STK24: variants seen among roughly 807,000 people sequenced by gnomAD.
The protein encoded by STK24 is serine/threonine kinase 24.
STK24 carries 21 observed loss-of-function variants against 55.6 expected under a neutral mutation model. The ratio of observed to expected loss-of-function variants is 0.38; its 90% confidence interval spans 0.27 to 0.54. STK24 has a LOEUF of 0.54. STK24 is among the 20% of genes least tolerant of loss of function. The pLI is 0.79. For synonymous variants in STK24, 200 were observed against 215.2 expected (o/e 0.93, Z 0.62); for missense variants, 383 against 538.4 (o/e 0.71, Z 2.86).
rs748739992 is a variant in STK24 at position 98,537,672 on chromosome 13, AGAG to A, written c.43-18202_43-18200del. 6.6e-5 allele frequency among the ~76,000 whole-genome samples: 10 copies of A among 152,148 alleles called. 1 individual carries two copies. The highest frequency in any genetic ancestry group is 1.7e-4 in the African/African-American group (7 of 41,452). On this transcript the variant is annotated intron_variant, in intron 1 of 10. Transcript: ENST00000539966. The stretch of plus-strand genomic sequence containing the variant: ...AAGTACAGAATGTGAGACAGAAGCA[AGAG>A]GAGGTGGCGATCTTTATAGTCTTCA...
chr13:98,488,624 T>C (rs1420947896), intron 2 of STK24, among the ~76,000 whole-genome samples: 1 of 152,142 alleles, frequency 6.6e-6, no homozygotes, highest in East Asian at 1.9e-4. Context: ...CTGGTAATTT[T>C]TGCTTACAGA....
chr13:98,493,839 A>AT (rs781025749), intron 2 of STK24, among the ~76,000 whole-genome samples: 1,719 of 141,540 alleles, frequency 0.012, 26 homozygotes, highest in African/African-American at 0.031. Flanking sequence ...CAAAAAAAAA[A>AT]TTTTTTTTTT....
chr13:98,567,441 A>C (rs1237397787), intron 1 of STK24, among the ~76,000 whole-genome samples: 1 of 152,138 alleles, frequency 6.6e-6, no homozygotes, highest in African/African-American at 2.4e-5. Context: ...TCATAAACTT[A>C]AGCAAGCGTT....
intron 1 of STK24, chr13:98,575,902 C>A (rs1212270422): frequency 2.5e-5 from 11 of 448,096 alleles, no homozygotes; most frequent in South Asian, 1.9e-4. Context: ...ACAACAACAA[C>A]AAAAAACCTT....
At chr13:98,546,634 G>C (rs1203221147) in intron 1 of STK24, among the ~76,000 whole-genome samples, 1 of 152,048 alleles carries the variant, frequency 6.6e-6, no homozygotes, top group East Asian at 1.9e-4. Context: ...TCCAAACATC[G>C]CCCACAACAG....
At chr13:98,563,721 G>A (rs1276780013) in intron 1 of STK24, among the ~76,000 whole-genome samples, 7 of 152,008 alleles carry the variant, frequency 4.6e-5, no homozygotes, top group Non-Finnish European at 7.4e-5. Context: ...TTAGCCGGGC[G>A]TGGTGGCGGG....
At chr13:98,486,462 C>A (rs913276024) in intron 2 of STK24, among the ~76,000 whole-genome samples, 1 of 152,188 alleles carries the variant, frequency 6.6e-6, no homozygotes, top group Admixed American at 6.5e-5. Context: ...CTTGGGAAAG[C>A]AAGAGACAAG....
intron 1 of STK24, 133 bp downstream of exon 1, chr13:98,576,612 G>A (rs375993079): frequency 2.4e-5 from 16 of 673,484 alleles, no homozygotes; most frequent in Non-Finnish European, 6.4e-6. Flanking sequence ...CCCCGGCCGA[G>A]CCGGGCGCGC....
intron 3 of STK24, among the ~76,000 whole-genome samples, chr13:98,480,259 AATT>A (rs1454469658): frequency 2.0e-5 from 3 of 152,238 alleles, no homozygotes; most frequent in Non-Finnish European, 4.4e-5. Context: ...TCACCAAATA[AATT>A]ATTATATCAT....
At chr13:98,537,137 ACT>A (rs893985021) in intron 1 of STK24, among the ~76,000 whole-genome samples, 3 of 152,136 alleles carry the variant, frequency 2.0e-5, no homozygotes, top group African/African-American at 7.2e-5. Context: ...TTCAGCCTAC[ACT>A]GTGACCCCCT....
intron 1 of STK24, among the ~76,000 whole-genome samples, chr13:98,531,160 A>G (rs1176966436): frequency 2.6e-5 from 4 of 152,218 alleles, no homozygotes; most frequent in African/African-American, 4.8e-5. Flanking sequence ...CAATTTGTCT[A>G]AAGCAAGCCT....
At chr13:98,572,413 C>A (rs1037822317) in intron 1 of STK24, among the ~76,000 whole-genome samples, 34 of 152,254 alleles carry the variant, frequency 2.2e-4, no homozygotes, top group South Asian at 2.1e-4. Context: ...GGGCAGGCAC[C>A]TCCCAAGGAA....
chr13:98,530,306 G>A (rs867125332), intron 1 of STK24, among the ~76,000 whole-genome samples: 1 of 152,150 alleles, frequency 6.6e-6, no homozygotes, highest in East Asian at 1.9e-4. Context: ...AGGCAGCTCC[G>A]TTTTTACCCC....
chr13:98,572,496 A>C (rs539655975), intron 1 of STK24, among the ~76,000 whole-genome samples: 2 of 152,308 alleles, frequency 1.3e-5, no homozygotes, highest in African/African-American at 4.8e-5. Flanking sequence ...AGCCACAATT[A>C]AATGCAGCTG....
At position 98,446,917 on chromosome 13, in the gene STK24, T is replaced by TTG; in HGVS notation, c.*6255_*6256insCA. On this transcript the variant is annotated 3_prime_UTR_variant, in exon 11 of 11. Coordinates refer to ENST00000539966, the MANE Select transcript of STK24 (RefSeq NM_001032296.4). ...GTCAGCGAGTGAGATGGCCCCACCC[T>TTG]TCCCTGCCAACTAAGCGTTTAGACC... The TTG allele has an allele frequency of 7.9e-7, 1 of 1,272,598 alleles. No homozygotes were observed. The highest frequency in any genetic ancestry group is 1.1e-6 in the Non-Finnish European group (1 of 896,346). 78.8% of individuals were successfully genotyped at this position (1,272,598 alleles called of 1,614,324 possible).
chr13:98,484,984 C>T (rs1229647161), intron 2 of STK24, among the ~76,000 whole-genome samples: 2 of 152,188 alleles, frequency 1.3e-5, no homozygotes, highest in African/African-American at 2.4e-5. Context: ...TTATTGAGGT[C>T]ACTGCGTCTC....
chr13:98,456,806 A>C, intron 10 of STK24: 1 of 373,678 alleles, frequency 2.7e-6, no homozygotes, highest in Non-Finnish European at 5.1e-6. Context: ...CTTGACTTTA[A>C]AGCCGAAAAC....
chr13:98,575,406 TACAC>T (rs557819358), intron 1 of STK24, among the ~76,000 whole-genome samples: 49 of 148,534 alleles, frequency 3.3e-4, no homozygotes, highest in South Asian at 1.7e-3. Flanking sequence ...TGCTTATATA[TACAC>T]ACACACACAC....
intron 9 of STK24, among the ~76,000 whole-genome samples, chr13:98,459,305 T>G (rs112252823): frequency 0.028 from 4,270 of 152,332 alleles, 95 homozygotes; most frequent in Non-Finnish European, 0.043. Context: ...CAGCAGGGCC[T>G]CCGCGTGCCC....
Sources: allele counts gnomAD v4.1 joint callset (sites outside exome capture counted in the v4.1 genomes callset), GRCh38; gene constraint gnomAD v4.1.1; transcripts MANE v1.5; gene names NCBI Gene and HGNC (gene_info 2026-07-23, HGNC 2026-07-21).